MID1: variants seen among roughly 807,000 people sequenced by gnomAD.
MID1 encodes midline 1, also known as E3 ubiquitin-protein ligase Midline-1.
Under a neutral mutation model 40.4 loss-of-function variants are expected in MID1, and 7 were observed. That is an observed-to-expected ratio of 0.17 (90% CI 0.10 to 0.33). The LOEUF (loss-of-function observed/expected upper bound fraction) is 0.33. Among genes scored for constraint, MID1 ranks in the 10% least tolerant of loss-of-function variants. The pLI is 1.00. For missense variants in MID1, 367 were observed against 558.5 expected, an observed-to-expected ratio of 0.66 and a Z score of 3.46; for synonymous variants, 229 against 221.2, an observed-to-expected ratio of 1.04 and a Z score of -0.31.
At chrX:10,520,458 C>G (rs1013534837) in intron 3 of MID1, among the ~76,000 whole-genome samples, 2 of 112,244 alleles carry the variant, frequency 1.8e-5, no homozygotes, top group African/African-American at 6.5e-5. Flanking sequence ...ACACTGTTCT[C>G]TAACATATTG....
intron 2 of MID1, among the ~76,000 whole-genome samples, chrX:10,528,790 C>A (rs1316852882): frequency 8.9e-6 from 1 of 112,460 alleles, no homozygotes; most frequent in East Asian, 2.8e-4. Context: ...ACTCAATGAA[C>A]CTCTAGGAAG....
At chrX:10,641,533 C>T (rs1271734798) in intron 1 of MID1, among the ~76,000 whole-genome samples, 2 of 111,304 alleles carry the variant, frequency 1.8e-5, no homozygotes, top group African/African-American at 6.5e-5. Flanking sequence ...AAGTAGCCTA[C>T]CAACCAAAAA....
chrX:10,459,931 A>G, intron 7 of MID1, 124 bp from the exon 8 acceptor site: 1 of 785,460 alleles, frequency 1.3e-6, no homozygotes, highest in South Asian at 2.2e-5. Context: ...TTGTCTTGGT[A>G]GTCATGTACG....
At chrX:10,640,879 C>T (rs1406842067) in intron 1 of MID1, among the ~76,000 whole-genome samples, 5 of 112,010 alleles carry the variant, frequency 4.5e-5, no homozygotes, top group Non-Finnish European at 9.4e-5. Context: ...AACCACTCAA[C>T]TGCATGGAAA....
intron 1 of MID1, among the ~76,000 whole-genome samples, chrX:10,769,386 T>C (rs2043750615): frequency 1.8e-5 from 2 of 111,586 alleles, no homozygotes; most frequent in Admixed American, 1.9e-4. Context: ...ATACGTGTTA[T>C]TCAATCAGGG....
At chrX:10,767,050 T>C (rs761238561) in intron 1 of MID1, among the ~76,000 whole-genome samples, 2 of 111,783 alleles carry the variant, frequency 1.8e-5, no homozygotes, top group East Asian at 5.6e-4. Context: ...TCCCACATTT[T>C]AGGCTAAGCA....
intron 1 of MID1, among the ~76,000 whole-genome samples, chrX:10,808,519 A>C (rs1432978791): frequency 1.8e-5 from 2 of 109,015 alleles, no homozygotes; most frequent in South Asian, 8.3e-4. Flanking sequence ...GCCTCTCTCT[A>C]TGGTGCTCCT....
intron 1 of MID1, among the ~76,000 whole-genome samples, chrX:10,611,293 C>A (rs1360884022): frequency 8.9e-6 from 1 of 112,160 alleles, no homozygotes; most frequent in African/African-American, 3.2e-5. Context: ...TTAAATGGTT[C>A]TTTCCTCTAG....
chrX:10,499,488 T>C (rs370828586), intron 3 of MID1, among the ~76,000 whole-genome samples: 2 of 112,023 alleles, frequency 1.8e-5, no homozygotes, highest in Admixed American at 1.9e-4. Context: ...TTGTTACTTG[T>C]GCTTTTGTTG....
rs746014431 is a variant in MID1 at position 10,449,458 on chromosome X, G to C, written c.1914C>G (p.Cys638Trp). Reference sequence around the variant, plus strand: ...ACTTGTTCCACACGGTGAAGGTGGGGCAAACAGGCTGCGCAAATGCGACGT... The same window carrying C: ...ACTTGTTCCACACGGTGAAGGTGGGCCAAACAGGCTGCGCAAATGCGACGT... ...TFDVAFAQPV[C>W]PTFTVWNKCL... Residue 638 changes from cysteine to tryptophan, a missense_variant, in exon 10 of 10, where the codon TGC (cysteine) becomes TGG (tryptophan). Cys to Trp is a radical substitution (Grantham distance 215). Coordinates refer to ENST00000317552, the MANE Select transcript of MID1 (RefSeq NM_000381.4). 1 of 1,211,904 alleles carries C rather than the reference G, an allele frequency of 8.3e-7. No individual in the cohort carries two copies. Among genetic ancestry groups the C allele is most frequent in the Non-Finnish European group, 1.1e-6 (1 of 895,478 alleles).
chrX:10,640,145 G>A (rs891318490), intron 1 of MID1, among the ~76,000 whole-genome samples: 9 of 111,659 alleles, frequency 8.1e-5, no homozygotes, highest in Non-Finnish European at 5.6e-5. Context: ...ATTATGACAG[G>A]ATCAAATTCA....
At position 10,583,927 on chromosome X, in the gene MID1, A is replaced by G. The variant is rs188806957; in HGVS notation, c.-56-16324T>C. ...ACGCCTGTAATCCCAGCTACTCGGG[A>G]GGCTGAGGCAGGAGAATTGCTTGAA... is the stretch of plus-strand genomic sequence containing the variant. On this transcript the variant is annotated intron_variant, in intron 1 of 9. Coordinates refer to ENST00000317552, the MANE Select transcript of MID1 (RefSeq NM_000381.4). 1.1e-3 allele frequency among the ~76,000 whole-genome samples: 119 copies of G among 110,097 alleles called. 1 individual carries two copies. Among genetic ancestry groups the G allele is most frequent in the Non-Finnish European group, 1.5e-3 (80 of 52,778 alleles).
chrX:10,451,646 T>TG (rs1326971675), intron 9 of MID1, among the ~76,000 whole-genome samples: 5 of 111,687 alleles, frequency 4.5e-5, no homozygotes, highest in East Asian at 5.6e-4. Context: ...AATTGAATCA[T>TG]GGGGGCAGGT....
intron 1 of MID1, among the ~76,000 whole-genome samples, chrX:10,823,614 ATGTG>A (rs1169815536): frequency 9.0e-6 from 1 of 111,261 alleles, no homozygotes; most frequent in Non-Finnish European, 1.9e-5. Flanking sequence ...ATACAGTTGC[ATGTG>A]TGTGTGTATG....
At chrX:10,544,538 C>T (rs755187444) in intron 2 of MID1, among the ~76,000 whole-genome samples, 1 of 112,096 alleles carries the variant, frequency 8.9e-6, no homozygotes, top group Non-Finnish European at 1.9e-5. Context: ...GAAATCCTTA[C>T]CAGAAGGCTT....
intron 1 of MID1, among the ~76,000 whole-genome samples, chrX:10,768,276 G>T (rs1333597137): frequency 1.8e-5 from 2 of 110,195 alleles, no homozygotes; most frequent in Non-Finnish European, 3.8e-5. Context: ...AGATTTAAAG[G>T]CTATATAACT....
intron 1 of MID1, among the ~76,000 whole-genome samples, chrX:10,572,187 T>TAC (rs376684211): frequency 0.058 from 5,290 of 90,904 alleles, 139 homozygotes; most frequent in East Asian, 0.14. Context: ...ATGTATCTAA[T>TAC]ACACACACAC....
Position 10,805,043 on chromosome X carries a change from GT to G in MID1, c.-187+28510del, listed in dbSNP as rs199602375. Among the ~76,000 whole-genome samples the G allele has an allele frequency of 3.1e-4, 34 of 108,945 alleles. No individual in the cohort carries two copies. In the South Asian group the frequency reaches 0.012, roughly 39 times the overall value. 94.6% of individuals were successfully genotyped at this position (108,945 alleles called of 115,157 possible). ...TCCCACTGAAATTAGGCTCCCAGTAGTTTTTTTTTGTTGTTGTTGTTGTTAA... is the reference window on the plus strand; with the variant it reads ...TCCCACTGAAATTAGGCTCCCAGTAGTTTTTTTTGTTGTTGTTGTTGTTAA... On this transcript the variant is annotated intron_variant, in intron 1 of 10. Transcript: ENST00000380785.
intron 1 of MID1, among the ~76,000 whole-genome samples, chrX:10,832,464 G>A (rs1360239061): frequency 1.8e-5 from 2 of 111,908 alleles, no homozygotes; most frequent in Non-Finnish European, 1.9e-5. Flanking sequence ...CTGAAATTGA[G>A]TCTTTGTGCC....
Sources: allele counts gnomAD v4.1 joint callset (sites outside exome capture counted in the v4.1 genomes callset), GRCh38; gene constraint gnomAD v4.1.1; transcripts MANE v1.5; gene names NCBI Gene and HGNC (gene_info 2026-07-23, HGNC 2026-07-21).